ST8SIA2: variants seen among roughly 807,000 people sequenced by gnomAD.
The protein encoded by ST8SIA2 is ST8 alpha-N-acetyl-neuraminide alpha-2,8-sialyltransferase 2.
ST8SIA2 carries 22 observed loss-of-function variants against 37.6 expected under a neutral mutation model. The observed-to-expected ratio is 0.58, with a 90% CI of 0.42 to 0.83. The LOEUF is 0.83. Among genes scored for constraint, ST8SIA2 ranks in the 40% least tolerant of loss-of-function variants. The probability of loss-of-function intolerance (pLI) is 0.00; values close to 1 mark genes in which losing one functional copy is unlikely to be tolerated. For synonymous variants in ST8SIA2, 205 were observed against 201.2 expected (o/e 1.02, Z -0.16); for missense variants, 382 against 484.7 (o/e 0.79, Z 1.99).
intron 1 of ST8SIA2, among the ~76,000 whole-genome samples, chr15:92,418,988 G>C (rs144312177): frequency 6.6e-6 from 1 of 152,198 alleles, no homozygotes; most frequent in Non-Finnish European, 1.5e-5. Context: ...TCTCTTAGCC[G>C]CAGCATGTTT....
At chr15:92,428,576 C>T (rs1356218045) in intron 1 of ST8SIA2, among the ~76,000 whole-genome samples, 1 of 152,152 alleles carries the variant, frequency 6.6e-6, no homozygotes, top group Non-Finnish European at 1.5e-5. Context: ...GGGACCCAAC[C>T]CAGGTGAATG....
intron 1 of ST8SIA2, among the ~76,000 whole-genome samples, chr15:92,406,583 A>G (rs2049509499): frequency 6.6e-6 from 1 of 152,218 alleles, no homozygotes; most frequent in Non-Finnish European, 1.5e-5. Context: ...CCTTCTACAG[A>G]GCGCCTGCCC....
In ST8SIA2 at chr15:92,394,074, C is replaced by A. The variant is rs1214960677; in HGVS notation, c.10C>A (p.Gln4Lys). The A allele has an allele frequency of 2.6e-6, 4 of 1,552,886 alleles. No individual in the cohort carries two copies. The highest frequency in any genetic ancestry group is 2.4e-5 in the South Asian group (2 of 84,188). The change falls in exon 1 of 6, where the codon CAG becomes AAG. Residue 4 changes from glutamine to lysine, a missense_variant. Transcript: ENST00000268164. ...CGGGCGCGAACCCACCATGCAGCTGCAGTTCCGGAGCTGGATGCTGGCCGC... is the reference window on the plus strand; with the variant it reads ...CGGGCGCGAACCCACCATGCAGCTGAAGTTCCGGAGCTGGATGCTGGCCGC... MQL[Q>K]FRSWMLAALT...
chr15:92,444,494 G>A, intron 4 of ST8SIA2, 142 bp from the exon 5 acceptor site: 1 of 936,744 alleles, frequency 1.1e-6, no homozygotes, highest in South Asian at 1.5e-5. Flanking sequence ...TGATGGGAGG[G>A]GCCTGTGAGT....
At chr15:92,431,437 A>G (rs758940090) in intron 2 of ST8SIA2, among the ~76,000 whole-genome samples, 3 of 152,224 alleles carry the variant, frequency 2.0e-5, no homozygotes, top group Non-Finnish European at 2.9e-5. Flanking sequence ...GATTAGAACC[A>G]CCAAATGTAA....
chr15:92,415,090 C>T (rs2049577512), intron 1 of ST8SIA2, among the ~76,000 whole-genome samples: 12 of 152,148 alleles, frequency 7.9e-5, no homozygotes, highest in Admixed American at 7.9e-4. Flanking sequence ...TTCCAGAGGC[C>T]AGGGCTGGCT....
chr15:92,416,310 C>T (rs2049586420), intron 1 of ST8SIA2, among the ~76,000 whole-genome samples: 2 of 151,840 alleles, frequency 1.3e-5, no homozygotes, highest in South Asian at 4.2e-4. Context: ...GGCTGCCATT[C>T]CCTGAGAGGA....
At position 92,437,996 on chromosome 15, in the gene ST8SIA2, C is replaced by A. The variant is rs575497850; in HGVS notation, c.291-357C>A. On this transcript the variant is annotated intron_variant, in intron 3 of 5. Transcript: ENST00000268164. ...TTCAGGGACATGGGGCTTTCAGTGC[C>A]CGAGCCAGGCAGTCCTGGGGAAACT... 5.3e-5 allele frequency among the ~76,000 whole-genome samples: 8 copies of A among 152,302 alleles called. No homozygotes were observed. In the South Asian group the frequency reaches 1.5e-3, roughly 28 times the overall value.
chr15:92,440,833 C>T (rs1040281807), intron 4 of ST8SIA2, among the ~76,000 whole-genome samples: 1 of 152,224 alleles, frequency 6.6e-6, no homozygotes, highest in African/African-American at 2.4e-5. Context: ...CATGATGTTG[C>T]AAGCATTAAA....
chr15:92,426,954 C>A (rs1003917835), intron 1 of ST8SIA2, among the ~76,000 whole-genome samples: 2 of 151,978 alleles, frequency 1.3e-5, no homozygotes, highest in Admixed American at 1.3e-4. Context: ...ATTAGCCGGG[C>A]GTGATGGCAG....
intron 1 of ST8SIA2, among the ~76,000 whole-genome samples, chr15:92,424,171 C>A: frequency 6.6e-6 from 1 of 152,328 alleles, no homozygotes; most frequent in Admixed American, 6.5e-5. Context: ...TTTAAGTTGG[C>A]TCTAGACTCT....
intron 3 of ST8SIA2, among the ~76,000 whole-genome samples, chr15:92,436,324 T>C (rs528990419): frequency 6.6e-6 from 1 of 151,850 alleles, no homozygotes; most frequent in Non-Finnish European, 1.5e-5. Flanking sequence ...TCTCCAACCA[T>C]TGGATAGAGA....
At chr15:92,433,021 T>G (rs2049727958) in intron 2 of ST8SIA2, among the ~76,000 whole-genome samples, 1 of 151,824 alleles carries the variant, frequency 6.6e-6, no homozygotes, top group Non-Finnish European at 1.5e-5. Flanking sequence ...TCCCAGCTAC[T>G]CAGGAGGCTG....
chr15:92,446,831 T>TTCAG (rs1567222081), intron 5 of ST8SIA2, among the ~76,000 whole-genome samples: 11 of 152,040 alleles, frequency 7.2e-5, no homozygotes, highest in Admixed American at 3.3e-4. Flanking sequence ...TAGGAGGGTG[T>TTCAG]GTTCAAGGTT....
At chr15:92,449,719 T>C (rs2049868546) in intron 5 of ST8SIA2, among the ~76,000 whole-genome samples, 1 of 152,196 alleles carries the variant, frequency 6.6e-6, no homozygotes, top group Admixed American at 6.5e-5. Context: ...TGGTATCTCG[T>C]TGTGGTTTTG....
rs146935186 is a variant in ST8SIA2, at chr15:92,418,357, G to C, written c.99-11692G>C. On this transcript the variant is annotated intron_variant, in intron 1 of 5. Coordinates refer to ENST00000268164, the MANE Select transcript of ST8SIA2 (RefSeq NM_006011.4). ...CACGCCTGTAGTCTCAGCTACTTGG[G>C]AGGCTGAGGTGGGAGAATCAGCTGA... Among the ~76,000 whole-genome samples, 133 of 151,748 alleles carry C rather than the reference G, an allele frequency of 8.8e-4. 1 individual carries two copies. The East Asian group carries it at 0.02, about 22-fold the overall frequency.
intron 5 of ST8SIA2, among the ~76,000 whole-genome samples, chr15:92,461,511 G>T (rs984387876): frequency 6.6e-6 from 1 of 152,180 alleles, no homozygotes. Flanking sequence ...AGCCCCTGGC[G>T]CACAGGTCTC....
At chr15:92,462,527 A>G (rs2049964589) in intron 5 of ST8SIA2, among the ~76,000 whole-genome samples, 1 of 152,230 alleles carries the variant, frequency 6.6e-6, no homozygotes, top group Non-Finnish European at 1.5e-5. Context: ...GCACTAAATC[A>G]TATTAAACAG....
chr15:92,438,499 C>A lies in ST8SIA2; in HGVS notation c.437C>A (p.Thr146Asn). The A allele has an allele frequency of 6.2e-7, 1 of 1,614,236 alleles. No homozygotes were observed. The highest frequency in any genetic ancestry group is 8.5e-7 in the Non-Finnish European group (1 of 1,180,046). The change falls in exon 4 of 6, where the codon ACT (threonine) becomes AAT (asparagine). Residue 146 changes from threonine (T) to asparagine (N), a missense_variant. Coordinates refer to ENST00000268164, the MANE Select transcript of ST8SIA2 (RefSeq NM_006011.4). ...AACCTCTACGAGCTCCTCCCCAGGA[C>A]TTCGCCACTGAAGAATAAGCACTTT... ...SQNLYELLPR[T>N]SPLKNKHFGT...
Sources: allele counts gnomAD v4.1 joint callset (sites outside exome capture counted in the v4.1 genomes callset), GRCh38; gene constraint gnomAD v4.1.1; transcripts MANE v1.5; gene names NCBI Gene and HGNC (gene_info 2026-07-23, HGNC 2026-07-21).